The following FMO2 variants were observed in gnomAD, a reference collection of about 807,000 sequenced individuals.
The protein encoded by FMO2 is flavin-containing monooxygenase 2.
Under a neutral mutation model 41.6 loss-of-function variants are expected in FMO2, and 33 were observed. The ratio of observed to expected loss-of-function variants is 0.79; its 90% CI spans 0.60 to 1.06. The LOEUF is 1.06. Ranked by LOEUF, FMO2 falls within the 50% of genes least tolerant of loss-of-function variation. The pLI, the probability that FMO2 is intolerant of heterozygous loss-of-function variation, is 0.00. For missense variants in FMO2, 619 were observed against 632.9 expected (o/e 0.98, Z 0.23); for synonymous variants, 214 against 219.6 (o/e 0.97, Z 0.23).
chr1:171,206,396 CAAT>C (rs1431567171), intron 7 of FMO2, among the ~76,000 whole-genome samples: 1 of 151,970 alleles, frequency 6.6e-6, no homozygotes, highest in Non-Finnish European at 1.5e-5. Context: ...AGCATAGAGT[CAAT>C]GATGCATATG....
intron 8 of FMO2, among the ~76,000 whole-genome samples, chr1:171,208,252 G>A (rs1658844696): frequency 1.3e-5 from 2 of 152,066 alleles, no homozygotes; most frequent in South Asian, 2.1e-4. Flanking sequence ...TTTGTGATGA[G>A]GTAAAATGAG....
At chr1:171,191,834 G>A (rs1658092863) in intron 2 of FMO2, among the ~76,000 whole-genome samples, 1 of 147,364 alleles carries the variant, frequency 6.8e-6, no homozygotes, top group Non-Finnish European at 1.5e-5. Context: ...GACCTGCCTG[G>A]GCAACATGGT....
Position 171,185,766 on chromosome 1 carries a change from T to A in FMO2, c.53T>A (p.Leu18Gln), listed in dbSNP as rs1250005502. Residue 18 changes from leucine to glutamine, a missense_variant, in exon 2 of 9, where the codon CTG becomes CAG. Leu to Gln is a moderately radical substitution (Grantham distance 113). Transcript: ENST00000209929. ...IGAGVSGLIS[L>Q]KCCVDEGLEP... Reference sequence around the variant, plus strand: ...GCTGGGGTCAGTGGCCTAATTTCTCTGAAGTGCTGTGTGGATGAGGGACTT... The same window carrying A: ...GCTGGGGTCAGTGGCCTAATTTCTCAGAAGTGCTGTGTGGATGAGGGACTT... The A allele has an allele frequency of 1.9e-6, 3 of 1,613,774 alleles. No homozygotes were observed. Among genetic ancestry groups the A allele is most frequent in the Non-Finnish European group, 2.5e-6 (3 of 1,179,808 alleles).
At chr1:171,199,583 A>C in intron 5 of FMO2, 95 bp downstream of exon 5, 1 of 1,219,234 alleles carries the variant, frequency 8.2e-7, no homozygotes, top group Non-Finnish European at 1.1e-6. Flanking sequence ...TCCAATCCTC[A>C]TTAACTAGTT....
chr1:171,201,304 TC>T (rs1658524657), intron 5 of FMO2, among the ~76,000 whole-genome samples: 1 of 152,164 alleles, frequency 6.6e-6, no homozygotes, highest in African/African-American at 2.4e-5. Context: ...AATAGATTCC[TC>T]CTAAATATAA....
At chr1:171,206,378 T>C (rs1658757415) in intron 7 of FMO2, among the ~76,000 whole-genome samples, 1 of 152,078 alleles carries the variant, frequency 6.6e-6, no homozygotes, top group African/African-American at 2.4e-5. Flanking sequence ...GGGGATTGCC[T>C]GAACAAAAGC....
intron 2 of FMO2, among the ~76,000 whole-genome samples, chr1:171,186,981 T>A (rs1055962283): frequency 2.0e-5 from 3 of 152,216 alleles, no homozygotes; most frequent in Non-Finnish European, 2.9e-5. Context: ...CTTAGATAAG[T>A]TCCGGACTCA....
At chr1:171,207,022 G>C (rs1211357854) in intron 7 of FMO2, among the ~76,000 whole-genome samples, 1 of 152,128 alleles carries the variant, frequency 6.6e-6, no homozygotes, top group African/African-American at 2.4e-5. Context: ...GAATACAGAG[G>C]GGGTGTGCAG....
chr1:171,192,741 G>C (rs1210853832), intron 2 of FMO2, among the ~76,000 whole-genome samples: 1 of 146,990 alleles, frequency 6.8e-6, no homozygotes, highest in East Asian at 2.0e-4. Flanking sequence ...ACTTCAGCCT[G>C]GGTGACAGAG....
At chr1:171,203,038 G>C (rs775245010) in intron 5 of FMO2, among the ~76,000 whole-genome samples, 5 of 152,080 alleles carry the variant, frequency 3.3e-5, no homozygotes, top group Non-Finnish European at 5.9e-5. Context: ...TATAAGTTCA[G>C]AGTTTTTAAC....
chr1:171,187,709 T>G (rs1289526952), intron 2 of FMO2, among the ~76,000 whole-genome samples: 1 of 148,788 alleles, frequency 6.7e-6, no homozygotes, highest in African/African-American at 2.5e-5. Flanking sequence ...CTTCTGGGGG[T>G]TTTTAATAAA....
chr1:171,187,010 A>T lies in FMO2; in HGVS notation c.132+1165A>T, dbSNP rs1391476088. Among the ~76,000 whole-genome samples, 3 of 152,240 alleles carry T rather than the reference A, an allele frequency of 2.0e-5. 1 individual carries two copies. In the East Asian group the frequency reaches 5.8e-4, roughly 29 times the overall value. ...GGACTCATAGAGTTCAATAAATGTT[A>T]GCTACTAATAATAACTATATATTTT... On this transcript the variant is annotated intron_variant, in intron 2 of 8. Transcript: ENST00000209929.
rs1658693407 is a variant in FMO2 at position 171,204,981 on chromosome 1, A to G, written c.828-298A>G. Among the ~76,000 whole-genome samples, 3 of 152,290 alleles carry G rather than the reference A, an allele frequency of 2.0e-5. No individual in the cohort carries two copies. In the South Asian group the frequency reaches 6.2e-4, roughly 32 times the overall value. ...GAAATGGTATAATAACCACCATAAT[A>G]CTTGGGGATTGACCATAGGCACAGG... On this transcript the variant is annotated intron_variant, in intron 6 of 8. Coordinates refer to ENST00000209929, the MANE Select transcript of FMO2 (RefSeq NM_001460.5).
chr1:171,203,887 G>A lies in FMO2; in HGVS notation c.650G>A (p.Gly217Asp), dbSNP rs1557982620. 1 of 1,613,432 alleles carries A rather than the reference G, an allele frequency of 6.2e-7. No individual in the cohort carries two copies. The highest frequency in any genetic ancestry group is 1.1e-5 in the South Asian group (1 of 91,056). Reference protein sequence around the residue: ...AAQVFISTRHGTWVMSRISED... With the variant: ...AAQVFISTRHDTWVMSRISED... ...CAGGTTTTTATCAGCACCAGGCATGGCACCTGGGTCATGAGCCGTATCTCT... is the reference window on the plus strand; with the variant it reads ...CAGGTTTTTATCAGCACCAGGCATGACACCTGGGTCATGAGCCGTATCTCT... The change falls in exon 6 of 9, where the codon GGC becomes GAC. Residue 217 changes from glycine (G) to aspartate (D), a missense_variant. Transcript: ENST00000209929.
intron 2 of FMO2, among the ~76,000 whole-genome samples, chr1:171,191,313 C>A (rs1002447704): frequency 2.6e-5 from 4 of 152,122 alleles, no homozygotes; most frequent in African/African-American, 9.7e-5. Context: ...CTCAAAATTC[C>A]CTTAAAATTG....
In FMO2 at chr1:171,209,682, G is replaced by A. The variant is rs1004484273; in HGVS notation, c.*537G>A. On this transcript the variant is annotated 3_prime_UTR_variant, in exon 9 of 9. Transcript: ENST00000209929. The stretch of plus-strand genomic sequence containing the variant: ...GATAGATTTAGAAAACATCAGTGAT[G>A]CTCAGATAAACTTTTAGGACCTCAT... 1 of 152,134 alleles carries A rather than the reference G, an allele frequency of 6.6e-6. No homozygotes were observed. The highest frequency in any genetic ancestry group is 2.4e-5 in the African/African-American group (1 of 41,428). 9.4% of individuals were successfully genotyped at this position (152,134 alleles called of 1,614,324 possible). A position where few individuals can be genotyped will look rare whatever the true frequency, so the allele number is the denominator to read the frequency against.
Position 171,199,406 on chromosome 1 carries a change from T to A in FMO2, c.545T>A (p.Phe182Tyr). 6.2e-7 allele frequency: 1 copy of A among 1,612,316 alleles called. No homozygotes were observed. The highest frequency in any genetic ancestry group is 1.1e-5 in the South Asian group (1 of 90,704). Residue 182 changes from phenylalanine to tyrosine, a missense_variant, in exon 5 of 9, where the codon TTT (phenylalanine) becomes TAT (tyrosine). Phe to Tyr is a conservative substitution (Grantham distance 22). Coordinates refer to ENST00000209929, the MANE Select transcript of FMO2 (RefSeq NM_001460.5). ...HSRQYKHPDGFEGKRILVIGM... is the reference protein window; with the variant it reads ...HSRQYKHPDGYEGKRILVIGM... ...CGCCAATACAAGCATCCAGATGGAT[T>A]TGAGGGAAAACGCATCCTGGTGATT... is the stretch of plus-strand genomic sequence containing the variant.
chr1:171,206,896 GA>G (rs1324397396), intron 7 of FMO2, among the ~76,000 whole-genome samples: 1 of 152,188 alleles, frequency 6.6e-6, no homozygotes, highest in East Asian at 1.9e-4. Context: ...ATCATTAAGG[GA>G]AAAATCAGCA....
rs143468949 is a variant in FMO2 at position 171,187,116 on chromosome 1, C to A, written c.132+1271C>A. Reference sequence around the variant, plus strand: ...ACTGGAGGAACTGGCCTTCAAACCACGGCCTACGTGACTTCTAAACAGATA... The same window carrying A: ...ACTGGAGGAACTGGCCTTCAAACCAAGGCCTACGTGACTTCTAAACAGATA... On this transcript the variant is annotated intron_variant, in intron 2 of 8. Transcript: ENST00000209929. Among the ~76,000 whole-genome samples the A allele has an allele frequency of 9.2e-5, 14 of 152,344 alleles. No individual in the cohort carries two copies. In the South Asian group the frequency reaches 2.7e-3, roughly 29 times the overall value.
Sources: allele counts gnomAD v4.1 joint callset (sites outside exome capture counted in the v4.1 genomes callset), GRCh38; gene constraint gnomAD v4.1.1; transcripts MANE v1.5; gene names NCBI Gene and HGNC (gene_info 2026-07-23, HGNC 2026-07-21).